SNX7: variants seen among roughly 807,000 people sequenced by gnomAD.
SNX7 encodes the protein sorting nexin 7, also known as sorting nexin-7.
SNX7 carries 35 observed loss-of-function variants against 48.4 expected under a neutral mutation model. That is an observed-to-expected ratio of 0.72 (90% CI 0.55 to 0.96). SNX7 has a LOEUF of 0.96. Ranked by LOEUF, SNX7 falls within the 40% of genes least tolerant of loss-of-function variation. The pLI is 0.00. For synonymous variants in SNX7, 190 were observed against 190.2 expected (o/e 1.00, Z 0.01); for missense variants, 553 against 548.9 (o/e 1.01, Z -0.07).
At position 98,738,236 on chromosome 1, in the gene SNX7, G is replaced by T. The variant is rs1314550546; in HGVS notation, c.1126-1G>T. 6.2e-7 allele frequency: 1 copy of T among 1,611,672 alleles called. No homozygotes were observed. The highest frequency in any genetic ancestry group is 1.1e-5 in the South Asian group (1 of 90,740). On this transcript the variant is annotated splice_acceptor_variant, in intron 7 of 8. Transcript: ENST00000306121. LOFTEE classifies it high-confidence loss of function. Reference sequence around the variant, plus strand: ...GTATCTCTCTTTGTGACTTAATTCAGCTTCCAGAGGAGATTGGAAAACTTG... The same window carrying T: ...GTATCTCTCTTTGTGACTTAATTCATCTTCCAGAGGAGATTGGAAAACTTG...
At chr1:98,678,827 C>A (rs1650318129) in intron 1 of SNX7, among the ~76,000 whole-genome samples, 1 of 152,082 alleles carries the variant, frequency 6.6e-6, no homozygotes, top group South Asian at 2.1e-4. Context: ...AAATATTATA[C>A]TCTTTAGTCT....
chr1:98,694,369 CAAAA>C (rs775800995), intron 4 of SNX7, among the ~76,000 whole-genome samples: 3 of 54,074 alleles, frequency 5.5e-5, no homozygotes. Context: ...GACTCCGTCT[CAAAA>C]AAAAAAAAAA....
chr1:98,757,300 A>G (rs1273811611), intron 8 of SNX7, among the ~76,000 whole-genome samples: 2 of 152,124 alleles, frequency 1.3e-5, no homozygotes, highest in Non-Finnish European at 2.9e-5. Context: ...CTTAAACAAC[A>G]GAAATTTGTT....
At chr1:98,737,006 T>G (rs756609410) in intron 7 of SNX7, among the ~76,000 whole-genome samples, 39 of 152,086 alleles carry the variant, frequency 2.6e-4, no homozygotes, top group Admixed American at 3.3e-4. Context: ...AACCTTACCA[T>G]AGACTACATG....
chr1:98,690,414 T>C (rs1254789414), intron 2 of SNX7, among the ~76,000 whole-genome samples: 2 of 152,048 alleles, frequency 1.3e-5, no homozygotes, highest in Non-Finnish European at 2.9e-5. Context: ...AGAACAGATA[T>C]TTTAATGTAT....
chr1:98,661,685 C>A (rs1490385926), upstream of SNX7: 3 of 1,194,976 alleles, frequency 2.5e-6, no homozygotes, highest in East Asian at 3.6e-5. Context: ...CTCGGGGGAG[C>A]CGGGCTGGCG....
In SNX7 at chr1:98,661,885, G is replaced by T; in HGVS notation, c.154G>T (p.Glu52Ter). Residue 52 changes from glutamate (E) to a stop codon, truncating the protein, a stop_gained, in exon 1 of 9, where the codon GAG becomes TAG. Transcript: ENST00000306121. LOFTEE classifies it high-confidence loss of function. Reference sequence around the variant, plus strand: ...GGAGGTGCTGGATCTGGACGAGGACGAGGACGACCTGGAGGTGTTCAGCAA... The same window carrying T: ...GGAGGTGCTGGATCTGGACGAGGACTAGGACGACCTGGAGGTGTTCAGCAA... ...QAEVLDLDEDEDDLEVFSKDA... is the reference protein window; with the variant it reads ...QAEVLDLDED 1 of 1,247,262 alleles carries T rather than the reference G, an allele frequency of 8.0e-7. No individual in the cohort carries two copies. The highest frequency in any genetic ancestry group is 4.1e-5 in the South Asian group (1 of 24,336). 77.3% of individuals were successfully genotyped at this position (1,247,262 alleles called of 1,614,324 possible).
intron 6 of SNX7, among the ~76,000 whole-genome samples, chr1:98,701,411 A>T (rs1651739358): frequency 6.6e-6 from 1 of 152,124 alleles, no homozygotes. Context: ...CAGAGTGTAG[A>T]TATGGTCCAT....
At chr1:98,673,333 T>C (rs941620354) in intron 1 of SNX7, among the ~76,000 whole-genome samples, 1 of 152,198 alleles carries the variant, frequency 6.6e-6, no homozygotes. Flanking sequence ...TCCAAGTGTT[T>C]TGTATAGCTG....
intron 7 of SNX7, among the ~76,000 whole-genome samples, chr1:98,702,214 C>T (rs540783101): frequency 6.6e-6 from 1 of 152,152 alleles, no homozygotes; most frequent in African/African-American, 2.4e-5. Context: ...TTATTCCAGG[C>T]TAGTAAGTAC....
At chr1:98,759,683 TTGACGTAA>T (rs1365408233) in intron 8 of SNX7, among the ~76,000 whole-genome samples, 1 of 152,090 alleles carries the variant, frequency 6.6e-6, no homozygotes, top group Admixed American at 6.6e-5. Context: ...AAACTCACAA[TTGACGTAA>T]TGGGATTCAA....
intron 1 of SNX7, among the ~76,000 whole-genome samples, chr1:98,683,631 A>C (rs370238501): frequency 9.2e-5 from 14 of 152,278 alleles, no homozygotes; most frequent in African/African-American, 3.1e-4. Flanking sequence ...CCCTCACCAG[A>C]CGCTGAATCT....
chr1:98,721,639 A>G (rs184923889), intron 7 of SNX7, among the ~76,000 whole-genome samples: 1 of 152,196 alleles, frequency 6.6e-6, no homozygotes, highest in African/African-American at 2.4e-5. Context: ...AATATATGAG[A>G]TATTGTTTAG....
chr1:98,683,572 C>A (rs1170911378), intron 1 of SNX7, among the ~76,000 whole-genome samples: 1 of 152,078 alleles, frequency 6.6e-6, no homozygotes, highest in African/African-American at 2.4e-5. Flanking sequence ...ACCCTCCCCC[C>A]TTTTACCATG....
chr1:98,695,816 C>T, intron 5 of SNX7, 100 bp downstream of exon 5: 1 of 882,276 alleles, frequency 1.1e-6, no homozygotes, highest in Non-Finnish European at 1.8e-6. Context: ...AGAATGTCAG[C>T]TTCAAAGTGT....
intron 4 of SNX7, among the ~76,000 whole-genome samples, chr1:98,694,913 G>T (rs1395835774): frequency 6.6e-6 from 1 of 151,808 alleles, no homozygotes; most frequent in Non-Finnish European, 1.5e-5. Context: ...GGCCTGCTCT[G>T]GGATCTTGAG....
chr1:98,709,391 C>T (rs1189685855), intron 7 of SNX7, among the ~76,000 whole-genome samples: 1 of 152,156 alleles, frequency 6.6e-6, no homozygotes, highest in Non-Finnish European at 1.5e-5. Context: ...ATTTGCCCTA[C>T]CTGGTCGCTC....
In SNX7 at chr1:98,738,270, G is replaced by A; in HGVS notation, c.1159G>A (p.Val387Met). Residue 387 changes from valine to methionine, a missense_variant, in exon 8 of 9, where the codon GTG becomes ATG. Transcript: ENST00000306121. The stretch of plus-strand genomic sequence containing the variant: ...GGAGATTGGAAAACTTGAAGATAAA[G>A]TGGAATGTGCTAATAATGCCCTGAA... ...PEEIGKLEDK[V>M]ECANNALKAD... 6.2e-7 allele frequency: 1 copy of A among 1,613,306 alleles called. No individual in the cohort carries two copies. Among genetic ancestry groups the A allele is most frequent in the Non-Finnish European group, 8.5e-7 (1 of 1,179,652 alleles).
chr1:98,748,165 T>A (rs529806223), intron 8 of SNX7, among the ~76,000 whole-genome samples: 6 of 151,872 alleles, frequency 4.0e-5, no homozygotes, highest in Non-Finnish European at 7.4e-5. Flanking sequence ...TTTATATTTT[T>A]AGTGGAGACG....
Sources: allele counts gnomAD v4.1 joint callset (sites outside exome capture counted in the v4.1 genomes callset), GRCh38; gene constraint gnomAD v4.1.1; transcripts MANE v1.5; gene names NCBI Gene and HGNC (gene_info 2026-07-23, HGNC 2026-07-21).